TST: variants seen among roughly 807,000 people sequenced by gnomAD.
TST encodes epididymis secretory sperm binding protein.
TST carries 22 observed loss-of-function variants against 20.4 expected under a neutral mutation model. That is an observed-to-expected ratio of 1.08 (90% confidence interval 0.77 to 1.54). The LOEUF (loss-of-function observed/expected upper bound fraction) is 1.54, where lower values mean the gene tolerates loss of function less well. Ranked by LOEUF, TST falls within the 40% of genes most tolerant of loss-of-function variation. The pLI, the probability that TST is intolerant of heterozygous loss-of-function variation, is 0.00. For synonymous variants in TST, 187 were observed against 173.8 expected (o/e 1.08, Z -0.60); for missense variants, 392 against 405.2 (o/e 0.97, Z 0.28).
Position 37,011,194 on chromosome 22 carries a change from G to C in TST, c.727C>G (p.Pro243Ala), listed in dbSNP as rs538144492. ...CCCTTGCGGCACGTGGCAATGAGAG[G>C]CTGCGAGAGATCCACCTTCTTGGTC... is the stretch of plus-strand genomic sequence containing the variant. ...FQTKKVDLSQ[P>A]LIATCRKGVT... The change falls in exon 3 of 3, where the codon CCT becomes GCT. Residue 243 changes from proline to alanine, a missense_variant. Pro to Ala is a conservative substitution (Grantham distance 27, BLOSUM62 -1). Transcript: ENST00000249042. 6.2e-6 allele frequency: 10 copies of C among 1,613,862 alleles called. No homozygotes were observed. The South Asian group carries it at 7.7e-5, about 12-fold the overall frequency.
At chr22:37,017,811 C>T (rs778909703) in intron 2 of TST, among the ~76,000 whole-genome samples, 2 of 152,152 alleles carry the variant, frequency 1.3e-5, no homozygotes, top group Non-Finnish European at 2.9e-5. Context: ...GGGCATGACA[C>T]CCTTAGGTAT....
chr22:37,013,957 C>G (rs895831768), intron 2 of TST, among the ~76,000 whole-genome samples: 1 of 152,186 alleles, frequency 6.6e-6, no homozygotes, highest in Non-Finnish European at 1.5e-5. Flanking sequence ...GAGCGGGCCT[C>G]CCACACTGGG....
chr22:37,018,765 G>A lies in TST; in HGVS notation c.-21-12C>T, dbSNP rs1922821142. ...GCTCTGCGTGTCACCTGGCACGGGT[G>A]GGAACCAGGAAAGAGAGACAGGCGT... On this transcript the variant is annotated splice_polypyrimidine_tract_variant and intron_variant, in intron 1 of 2. Transcript: ENST00000249042. 6.9e-7 allele frequency: 1 copy of A among 1,445,942 alleles called. No individual in the cohort carries two copies. Among genetic ancestry groups the A allele is most frequent in the Non-Finnish European group, 9.1e-7 (1 of 1,101,820 alleles). The allele number at this position is 1,445,942 out of a possible 1,614,324, so 89.6% of individuals were successfully genotyped here.
At position 37,011,255 on chromosome 22, in the gene TST, G is replaced by A. The variant is rs143819572; in HGVS notation, c.666C>T (p.Phe222=). 6.3e-4 allele frequency: 1,013 copies of A among 1,613,954 alleles called. 6 individuals are homozygous for A. In the African/African-American group the frequency reaches 0.011, roughly 17 times the overall value. Residue 222 remains phenylalanine (F), a synonymous_variant, in exon 3 of 3, where the codon TTC becomes TTT. Transcript: ENST00000249042. ...CACGGAGCTCTTCTGGGCCCTTCTC[G>A]AAGCCATCCTCAGTCAGGAAGTCCA... The part of the protein sequence containing the change: ...PFMDFLTEDG[F]EKGPEELRAL...
Position 37,010,959 on chromosome 22 carries a change from A to G in TST, c.*68T>C, listed in dbSNP as rs1444072302. The G allele has an allele frequency of 3.9e-6, 6 of 1,545,958 alleles. No individual in the cohort carries two copies. The African/African-American group carries it at 5.5e-5, about 14-fold the overall frequency. ...ATGTCATCTCCTTCACCTAAGAGGT[A>G]AGAACCGGCTGTAAGTCATGGGGTC... On this transcript the variant is annotated 3_prime_UTR_variant, in exon 3 of 3. Coordinates refer to ENST00000249042, the MANE Select transcript of TST (RefSeq NM_003312.6).
chr22:37,011,118 T>C lies in TST; in HGVS notation c.803A>G (p.Asp268Gly), dbSNP rs1020269830. The C allele has an allele frequency of 6.2e-7, 1 of 1,613,472 alleles. No homozygotes were observed. The highest frequency in any genetic ancestry group is 1.3e-5 in the African/African-American group (1 of 74,900). The change falls in exon 3 of 3, where the codon GAT becomes GGT. Residue 268 changes from aspartate to glycine, a missense_variant. Coordinates refer to ENST00000249042, the MANE Select transcript of TST (RefSeq NM_003312.6). The part of the protein sequence containing the change: ...ALAAYLCGKP[D>G]VAVYDGSWSE... ...CCAGGAGCCATCGTACACGGCCACA[T>C]CAGGCTTGCCGCAGAGGTAGGCAGC...
chr22:37,015,935 CTTT>C (rs1000783141), intron 2 of TST, among the ~76,000 whole-genome samples: 6 of 73,884 alleles, frequency 8.1e-5, no homozygotes, highest in South Asian at 5.0e-4. Context: ...GCCACTGCTA[CTTT>C]TTTTTTTTTT....
intron 2 of TST, among the ~76,000 whole-genome samples, chr22:37,015,665 T>A (rs749056473): frequency 3.3e-5 from 5 of 152,312 alleles, no homozygotes; most frequent in Middle Eastern, 3.4e-3. Flanking sequence ...CCAGAGATGA[T>A]CAGGGCCAAT....
At chr22:37,020,050 G>T (rs1013732133), upstream of TST, 22 of 397,942 alleles carry the variant, frequency 5.5e-5, no homozygotes, top group Non-Finnish European at 9.7e-5. Flanking sequence ...GGCCTGCCGG[G>T]TGGGGTCGTG....
At chr22:37,014,446 G>C (rs547727320) in intron 2 of TST, among the ~76,000 whole-genome samples, 6 of 152,256 alleles carry the variant, frequency 3.9e-5, no homozygotes, top group Non-Finnish European at 5.9e-5. Context: ...AGGCTCCCAT[G>C]CTTCTCTTCC....
chr22:37,019,437 C>G lies in TST; in HGVS notation c.-59G>C, dbSNP rs940853534. ...CCGCGCTGGCGCTCGCCCCGGCCGGCTGGAGAAGTTGGCCGGTTCAAACCC... is the reference window on the plus strand; with the variant it reads ...CCGCGCTGGCGCTCGCCCCGGCCGGGTGGAGAAGTTGGCCGGTTCAAACCC... On this transcript the variant is annotated 5_prime_UTR_variant, in exon 1 of 3. Coordinates refer to ENST00000249042, the MANE Select transcript of TST (RefSeq NM_003312.6). 1 of 151,322 alleles carries G rather than the reference C, an allele frequency of 6.6e-6. No individual in the cohort carries two copies. The highest frequency in any genetic ancestry group is 1.5e-5 in the Non-Finnish European group (1 of 67,820). 9.4% of individuals were successfully genotyped at this position (151,322 alleles called of 1,614,324 possible). A position where few individuals can be genotyped will look rare whatever the true frequency, so the allele number is the denominator to read the frequency against.
At position 37,018,254 on chromosome 22, in the gene TST, G is replaced by C; in HGVS notation, c.479C>G (p.Ser160Cys). ...PAVFKATLDR[S>C]LLKTYEQVLE... is the part of the protein sequence containing the mutation. ...CACCTGCTCGTAGGTCTTGAGCAGG[G>C]AGCGGTCCAGTGTGGCTTTGAAGAC... Residue 160 changes from serine (S) to cysteine (C), a missense_variant, in exon 2 of 3, where the codon TCC (serine) becomes TGC (cysteine). Physicochemically the swap from Ser to Cys is moderately radical, Grantham distance 112. Coordinates refer to ENST00000249042, the MANE Select transcript of TST (RefSeq NM_003312.6). 1.9e-6 allele frequency: 3 copies of C among 1,614,062 alleles called. No homozygotes were observed. Among genetic ancestry groups the C allele is most frequent in the Non-Finnish European group, 2.5e-6 (3 of 1,180,028 alleles).
Position 37,016,133 on chromosome 22 carries a change from G to A in TST, c.595+2005C>T, listed in dbSNP as rs113219938. Among the ~76,000 whole-genome samples the A allele has an allele frequency of 4.6e-3, 696 of 151,462 alleles. 4 individuals are homozygous for A. The highest frequency in any genetic ancestry group is 0.016 in the African/African-American group (664 of 41,226). ...CTAATTTTTTTTTCATTTTAGTAGC[G>A]ACGGGGTTTCACCATGTTGGTCAGG... is the stretch of plus-strand genomic sequence containing the variant. On this transcript the variant is annotated intron_variant, in intron 2 of 2. Transcript: ENST00000249042.
intron 2 of TST, chr22:37,013,442 A>G (rs1325754354): frequency 1.9e-5 from 2 of 106,072 alleles, no homozygotes; most frequent in East Asian, 4.1e-4. Context: ...ATCTCTATAG[A>G]AAAAAAAAAA....
intron 2 of TST, among the ~76,000 whole-genome samples, chr22:37,014,280 G>A (rs962276161): frequency 2.0e-5 from 3 of 152,238 alleles, no homozygotes; most frequent in Non-Finnish European, 2.9e-5. Flanking sequence ...TGAGGCAGCA[G>A]AATGGCGTGA....
rs61743068 is a variant in TST, at chr22:37,018,280, G to C, written c.453C>G (p.Ala151=). 2 of 1,613,944 alleles carry C rather than the reference G, an allele frequency of 1.2e-6. No individual in the cohort carries two copies. Among genetic ancestry groups the C allele is most frequent in the Non-Finnish European group, 1.7e-6 (2 of 1,180,022 alleles). ...AGCGGTCCAGTGTGGCTTTGAAGAC[G>C]GCCGGTTCTGGGCGTGAGGGCTCGG... The part of the protein sequence containing the change: ...VTSEPSRPEP[A]VFKATLDRSL... The change falls in exon 2 of 3, where the codon GCC becomes GCG. Residue 151 remains alanine, a synonymous_variant. Transcript: ENST00000249042.
rs1922803899 is a variant in TST, at chr22:37,018,573, G to A, written c.160C>T (p.Pro54Ser). Reference protein sequence around the residue: ...ARKEYLERHVPGASFFDIEEC... With the variant: ...ARKEYLERHVSGASFFDIEEC... ...TCTATGTCAAAGAAAGAGGCGCCGGGTACGTGGCGCTCGAGGTACTCCTTG... is the reference window on the plus strand; with the variant it reads ...TCTATGTCAAAGAAAGAGGCGCCGGATACGTGGCGCTCGAGGTACTCCTTG... The change falls in exon 2 of 3, where the codon CCC (proline) becomes TCC (serine). Residue 54 changes from proline (P) to serine (S), a missense_variant. Coordinates refer to ENST00000249042, the MANE Select transcript of TST (RefSeq NM_003312.6). The A allele has an allele frequency of 6.4e-7, 1 of 1,563,532 alleles. No individual in the cohort carries two copies. The highest frequency in any genetic ancestry group is 1.4e-5 in the African/African-American group (1 of 73,642).
chr22:37,018,266 G>T lies in TST; in HGVS notation c.467C>A (p.Thr156Lys). The T allele has an allele frequency of 6.2e-7, 1 of 1,614,106 alleles. No individual in the cohort carries two copies. Among genetic ancestry groups the T allele is most frequent in the South Asian group, 1.1e-5 (1 of 91,090 alleles). ...GGTCTTGAGCAGGGAGCGGTCCAGT[G>T]TGGCTTTGAAGACGGCCGGTTCTGG... ...SRPEPAVFKA[T>K]LDRSLLKTYE... Residue 156 changes from threonine (T) to lysine (K), a missense_variant, in exon 2 of 3, where the codon ACA becomes AAA. Thr to Lys is a moderately conservative substitution (Grantham distance 78). Coordinates refer to ENST00000249042, the MANE Select transcript of TST (RefSeq NM_003312.6).
upstream of TST, chr22:37,019,609 C>T (rs992799466): frequency 3.4e-4 from 81 of 237,244 alleles, no homozygotes; most frequent in African/African-American, 1.8e-3. Flanking sequence ...CCGGGACCCG[C>T]GGGGGTCTGA....
Sources: allele counts gnomAD v4.1 joint callset (sites outside exome capture counted in the v4.1 genomes callset), GRCh38; gene constraint gnomAD v4.1.1; transcripts MANE v1.5; gene names NCBI Gene and HGNC (gene_info 2026-07-23, HGNC 2026-07-21).